ALX4: variants seen among roughly 807,000 people sequenced by gnomAD.
ALX4 encodes the protein ALX homeobox 4, also known as homeobox protein aristaless-like 4.
In ALX4, 22 loss-of-function variants were observed where a neutral mutation model predicts 40.6. That is an observed-to-expected ratio of 0.54 (90% CI 0.39 to 0.77). ALX4 has a LOEUF of 0.77. ALX4 is among the 30% of genes least tolerant of loss of function. ALX4 has a pLI of 0.00. For synonymous variants in ALX4, 266 were observed against 240.5 expected (o/e 1.11, Z -0.98); for missense variants, 556 against 564.8 (o/e 0.98, Z 0.16).
intron 1 of ALX4, among the ~76,000 whole-genome samples, chr11:44,282,252 G>A (rs1050132968): frequency 6.6e-6 from 1 of 152,196 alleles, no homozygotes; most frequent in African/African-American, 2.4e-5. Context: ...CATGAAATAT[G>A]CTCAACCTCA....
chr11:44,294,024 T>C (rs1956388974), intron 1 of ALX4, among the ~76,000 whole-genome samples: 1 of 152,164 alleles, frequency 6.6e-6, no homozygotes, highest in Non-Finnish European at 1.5e-5. Flanking sequence ...CTCCACCGTC[T>C]ACAGAGCTCT....
At chr11:44,272,937 C>T (rs930307681) in intron 2 of ALX4, among the ~76,000 whole-genome samples, 2 of 152,194 alleles carry the variant, frequency 1.3e-5, no homozygotes, top group South Asian at 2.1e-4. Context: ...TACTGATAAC[C>T]ACTAGTCCTT....
intron 1 of ALX4, among the ~76,000 whole-genome samples, chr11:44,302,011 G>C (rs1410451601): frequency 6.6e-6 from 1 of 152,190 alleles, no homozygotes; most frequent in Admixed American, 6.5e-5. Flanking sequence ...TTGCCACAGG[G>C]AGATTCTGCC....
chr11:44,261,089 T>C lies in ALX4; in HGVS notation c.*3765A>G, dbSNP rs1336313802. ...TGGGGTTGATGGGTCATTGTCACCT[T>C]CTTATTTTTTAACTGGATAGTCACA... On this transcript the variant is annotated 3_prime_UTR_variant, in exon 4 of 4. Transcript: ENST00000652299. The C allele has an allele frequency of 6.6e-6, 1 of 152,130 alleles. No individual in the cohort carries two copies. Among genetic ancestry groups the C allele is most frequent in the East Asian group, 1.9e-4 (1 of 5,190 alleles). The allele number at this position is 152,130 out of a possible 1,614,324, so 9.4% of individuals were successfully genotyped here.
At chr11:44,294,594 G>A (rs540509767) in intron 1 of ALX4, among the ~76,000 whole-genome samples, 118 of 151,878 alleles carry the variant, frequency 7.8e-4, no homozygotes, top group Non-Finnish European at 1.5e-3. Context: ...GGCAGCCCCC[G>A]CCCCTCCCAT....
intron 1 of ALX4, among the ~76,000 whole-genome samples, chr11:44,284,276 T>C (rs1024602962): frequency 6.6e-6 from 1 of 152,076 alleles, no homozygotes; most frequent in Admixed American, 6.6e-5. Flanking sequence ...AGGAACAGGT[T>C]GAAATATCTG....
intron 1 of ALX4, among the ~76,000 whole-genome samples, chr11:44,297,075 G>A (rs1956407090): frequency 6.6e-6 from 1 of 151,106 alleles, no homozygotes; most frequent in Non-Finnish European, 1.5e-5. Flanking sequence ...GTAGAATAGA[G>A]GTCACTTGGG....
chr11:44,310,083 G>C lies in ALX4; in HGVS notation c.-21C>G. ...TTCATGCCTGGCTTGCGCAGGCGGC[G>C]GGCGGGGACGCGAGCGAGGGCGCGA... On this transcript the variant is annotated 5_prime_UTR_variant, in exon 1 of 4. Transcript: ENST00000652299. 6.4e-7 allele frequency: 1 copy of C among 1,564,436 alleles called. No individual in the cohort carries two copies. The highest frequency in any genetic ancestry group is 8.7e-7 in the Non-Finnish European group (1 of 1,152,952).
intron 1 of ALX4, among the ~76,000 whole-genome samples, chr11:44,308,210 G>T (rs968001568): frequency 7.9e-5 from 12 of 152,236 alleles, no homozygotes; most frequent in Admixed American, 3.3e-4. Context: ...GTGTGTGTGT[G>T]TAGAGTGCAA....
chr11:44,281,209 A>C (rs893723277), intron 1 of ALX4, among the ~76,000 whole-genome samples: 2 of 151,826 alleles, frequency 1.3e-5, no homozygotes, highest in African/African-American at 2.4e-5. Context: ...ACAGATGTAC[A>C]CCCGAGGGCC....
chr11:44,268,379 C>A (rs958657310), intron 2 of ALX4, among the ~76,000 whole-genome samples: 4 of 152,172 alleles, frequency 2.6e-5, no homozygotes, highest in Non-Finnish European at 5.9e-5. Flanking sequence ...GCCTTGACTG[C>A]CAAGTGAAGG....
chr11:44,267,398 A>AAGTC, intron 3 of ALX4, 96 bp downstream of exon 3: 4 of 1,526,996 alleles, frequency 2.6e-6, no homozygotes, highest in Non-Finnish European at 3.6e-6. Flanking sequence ...CTGGAGCCAT[A>AAGTC]AGTCATCTCG....
Position 44,289,382 on chromosome 11 carries a change from G to T in ALX4, c.467-13724C>A, listed in dbSNP as rs78555451. ...AGCAATAATGTAATGCCTTGTATTC[G>T]TGTTGCCCTGACCCACCCACTATCT... On this transcript the variant is annotated intron_variant, in intron 1 of 3. Transcript: ENST00000652299. Among the ~76,000 whole-genome samples, 12 of 152,204 alleles carry T rather than the reference G, an allele frequency of 7.9e-5. No homozygotes were observed. The East Asian group carries it at 1.9e-3, about 25-fold the overall frequency.
chr11:44,304,499 C>G (rs972663861), intron 1 of ALX4, among the ~76,000 whole-genome samples: 3 of 152,290 alleles, frequency 2.0e-5, no homozygotes, highest in East Asian at 3.9e-4. Flanking sequence ...GGCGCGCCCC[C>G]CCCATGAATC....
intron 1 of ALX4, among the ~76,000 whole-genome samples, chr11:44,309,149 T>C (rs944068814): frequency 9.0e-4 from 64 of 71,044 alleles, no homozygotes; most frequent in African/African-American, 2.0e-3. Context: ...TCTGCAGTCC[T>C]GCTGTCCCGC....
rs1055295618 is a variant in ALX4 at position 44,262,501 on chromosome 11, T to A, written c.*2353A>T. 2 of 152,308 alleles carry A rather than the reference T, an allele frequency of 1.3e-5. No homozygotes were observed. Among genetic ancestry groups the A allele is most frequent in the Non-Finnish European group, 2.9e-5 (2 of 68,102 alleles). The allele number at this position is 152,308 out of a possible 1,614,324, so 9.4% of individuals were successfully genotyped here. A position where few individuals can be genotyped will look rare whatever the true frequency, so the allele number is the denominator to read the frequency against. ...GCTTTTGGGTTGAAATTTGCCTGACTTGGGTCTAGCCCAGCCAGAGAGCAG... is the reference window on the plus strand; with the variant it reads ...GCTTTTGGGTTGAAATTTGCCTGACATGGGTCTAGCCCAGCCAGAGAGCAG... On this transcript the variant is annotated 3_prime_UTR_variant, in exon 4 of 4. Transcript: ENST00000652299.
intron 1 of ALX4, among the ~76,000 whole-genome samples, chr11:44,280,850 G>A (rs1298295270): frequency 6.6e-6 from 1 of 152,238 alleles, no homozygotes; most frequent in Non-Finnish European, 1.5e-5. Flanking sequence ...TCAATCGGGA[G>A]CCACTGAGCC....
chr11:44,288,941 A>G (rs1300921331), intron 1 of ALX4, among the ~76,000 whole-genome samples: 1 of 151,908 alleles, frequency 6.6e-6, no homozygotes, highest in Non-Finnish European at 1.5e-5. Context: ...GGTCCCCTCC[A>G]TCCCCCAGCT....
In ALX4 at chr11:44,309,586, C is replaced by G. The variant is rs2119923177; in HGVS notation, c.466+11G>C. 1.9e-6 allele frequency: 3 copies of G among 1,574,070 alleles called. No homozygotes were observed. The highest frequency in any genetic ancestry group is 2.3e-5 in the East Asian group (1 of 43,302). ...GGTCCCCAGCACCAGGTGACCCGCA[C>G]GTGCACTCACCGTAGCAGGGAACCT... is the stretch of plus-strand genomic sequence containing the variant. On this transcript the variant is annotated intron_variant, in intron 1 of 3. Transcript: ENST00000652299.
Sources: allele counts gnomAD v4.1 joint callset (sites outside exome capture counted in the v4.1 genomes callset), GRCh38; gene constraint gnomAD v4.1.1; transcripts MANE v1.5; gene names NCBI Gene and HGNC (gene_info 2026-07-23, HGNC 2026-07-21).